ATRNL1: variants seen among roughly 807,000 people sequenced by gnomAD.
ATRNL1 encodes attractin like 1.
ATRNL1 carries 95 observed loss-of-function variants against 182.7 expected under a neutral mutation model. That is an observed-to-expected ratio of 0.52 (90% CI 0.44 to 0.62). The LOEUF is 0.62. ATRNL1 is among the 20% of genes least tolerant of loss of function. The probability of loss-of-function intolerance (pLI) is 0.00; values close to 1 mark genes in which losing one functional copy is unlikely to be tolerated. For synonymous variants in ATRNL1, 576 were observed against 568.3 expected (o/e 1.01, Z -0.19); for missense variants, 1,471 against 1,679.5 (o/e 0.88, Z 2.17).
intron 25 of ATRNL1, among the ~76,000 whole-genome samples, chr10:115,534,299 G>A (rs961357861): frequency 6.6e-6 from 1 of 151,762 alleles, no homozygotes; most frequent in African/African-American, 2.4e-5. Context: ...TGTATTGGGT[G>A]CATATATATT....
intron 26 of ATRNL1, among the ~76,000 whole-genome samples, chr10:115,697,014 C>G (rs1946586395): frequency 6.6e-6 from 1 of 152,048 alleles, no homozygotes; most frequent in South Asian, 2.1e-4. Flanking sequence ...CAATCACCTC[C>G]CACCTGGCCT....
chr10:115,801,630 A>G (rs542013239), intron 27 of ATRNL1, among the ~76,000 whole-genome samples: 2 of 152,284 alleles, frequency 1.3e-5, no homozygotes, highest in South Asian at 2.1e-4. Flanking sequence ...AAAATGATCT[A>G]CACTCACACA....
chr10:115,894,181 T>C (rs117118028), intron 28 of ATRNL1, among the ~76,000 whole-genome samples: 4 of 152,294 alleles, frequency 2.6e-5, no homozygotes, highest in Non-Finnish European at 5.9e-5. Context: ...AAGGGCATTG[T>C]TGAAGGTCCA....
At chr10:115,835,638 C>G (rs1439464966) in intron 27 of ATRNL1, among the ~76,000 whole-genome samples, 1 of 152,198 alleles carries the variant, frequency 6.6e-6, no homozygotes, top group Non-Finnish European at 1.5e-5. Flanking sequence ...CCCAGTCACT[C>G]TTAGCTAATA....
chr10:115,455,896 A>G (rs190037138), intron 21 of ATRNL1, among the ~76,000 whole-genome samples: 541 of 152,300 alleles, frequency 3.6e-3, no homozygotes, highest in Non-Finnish European at 5.9e-3. Flanking sequence ...GCTCATCATC[A>G]CTGGTGATTA....
At chr10:115,212,412 G>C (rs571849129) in intron 8 of ATRNL1, among the ~76,000 whole-genome samples, 1 of 151,560 alleles carries the variant, frequency 6.6e-6, no homozygotes, top group Non-Finnish European at 1.5e-5. Context: ...GTGTAAGTTA[G>C]TTCAACCATT....
chr10:115,111,426 G>A (rs1844251951), intron 1 of ATRNL1, among the ~76,000 whole-genome samples: 1 of 152,222 alleles, frequency 6.6e-6, no homozygotes, highest in Non-Finnish European at 1.5e-5. Context: ...TCTGCAGGAT[G>A]TACAAGAAGC....
At chr10:115,226,899 C>A (rs1849722758) in intron 9 of ATRNL1, among the ~76,000 whole-genome samples, 1 of 152,114 alleles carries the variant, frequency 6.6e-6, no homozygotes, top group African/African-American at 2.4e-5. Context: ...AGCTGGACCC[C>A]TACCTTTCAA....
At chr10:115,756,089 C>G (rs1192717979) in intron 27 of ATRNL1, among the ~76,000 whole-genome samples, 3 of 151,952 alleles carry the variant, frequency 2.0e-5, no homozygotes, top group Non-Finnish European at 4.4e-5. Context: ...AGAGGTCTAT[C>G]TATTTCGTTG....
At chr10:115,436,217 G>C (rs923626867) in intron 21 of ATRNL1, among the ~76,000 whole-genome samples, 6 of 152,090 alleles carry the variant, frequency 3.9e-5, no homozygotes, top group Admixed American at 3.3e-4. Flanking sequence ...CTAAATAGAT[G>C]ACCATTCATC....
chr10:115,191,911 T>C (rs1394435927), intron 8 of ATRNL1, among the ~76,000 whole-genome samples: 1 of 152,110 alleles, frequency 6.6e-6, no homozygotes, highest in Non-Finnish European at 1.5e-5. Flanking sequence ...TGAGAAAAGT[T>C]CTATTCAGAT....
At chr10:115,901,960 C>G (rs1952367307) in intron 28 of ATRNL1, among the ~76,000 whole-genome samples, 1 of 152,082 alleles carries the variant, frequency 6.6e-6, no homozygotes, top group African/African-American at 2.4e-5. Context: ...ATGCTACCAG[C>G]ACCTTATAGG....
At chr10:115,935,546 A>G (rs1175572923) in intron 28 of ATRNL1, among the ~76,000 whole-genome samples, 2 of 152,088 alleles carry the variant, frequency 1.3e-5, no homozygotes, top group Admixed American at 6.5e-5. Flanking sequence ...AAATGAGCGG[A>G]GTGAAGGTCA....
At chr10:115,438,327 T>TA (rs1554965103) in intron 21 of ATRNL1, among the ~76,000 whole-genome samples, 2 of 151,990 alleles carry the variant, frequency 1.3e-5, no homozygotes, top group Non-Finnish European at 2.9e-5. Flanking sequence ...ACTATCTTCT[T>TA]AAAAAATACA....
intron 27 of ATRNL1, among the ~76,000 whole-genome samples, chr10:115,759,765 T>G (rs1412606540): frequency 6.6e-6 from 1 of 150,542 alleles, no homozygotes; most frequent in Non-Finnish European, 1.5e-5. Context: ...AACCTCTGCC[T>G]CCTGGGTTCA....
intron 24 of ATRNL1, among the ~76,000 whole-genome samples, chr10:115,498,845 G>T (rs1429539423): frequency 6.6e-6 from 1 of 151,972 alleles, no homozygotes; most frequent in Non-Finnish European, 1.5e-5. Context: ...CTCTTAGACT[G>T]TTGGAAATAC....
intron 25 of ATRNL1, among the ~76,000 whole-genome samples, chr10:115,539,142 A>G (rs562306627): frequency 2.6e-5 from 4 of 152,218 alleles, no homozygotes; most frequent in African/African-American, 9.6e-5. Context: ...ACATGACTGT[A>G]TTTTTACATT....
At chr10:115,940,717 A>G (rs1246662267) in intron 28 of ATRNL1, among the ~76,000 whole-genome samples, 2 of 148,696 alleles carry the variant, frequency 1.3e-5, no homozygotes, top group African/African-American at 2.5e-5. Context: ...TCTCTCTTTT[A>G]GTGAGTCTTC....
At position 115,286,358 on chromosome 10, in the gene ATRNL1, AG is replaced by A; in HGVS notation, c.2377del (p.Glu793AsnfsTer19). 1 of 1,606,138 alleles carries A rather than the reference AG, an allele frequency of 6.2e-7. No homozygotes were observed. The highest frequency in any genetic ancestry group is 8.5e-7 in the Non-Finnish European group (1 of 1,174,622). ...LASLTTSKEV[E>X]FVLDEIQKYT... ...CTTCATTAACAACCTCAAAAGAAGT[AG>A]AATTTGTTCTGGATGAAATACAGAA... On this transcript the variant is annotated frameshift_variant, in exon 15 of 29. Transcript: ENST00000355044. LOFTEE classifies it high-confidence loss of function.
Sources: gnomAD v4.1 joint callset for allele counts (sites outside exome capture counted in the v4.1 genomes callset) on GRCh38, gnomAD v4.1.1 for gene constraint, MANE v1.5 for transcripts, NCBI Gene and HGNC (gene_info 2026-07-23, HGNC 2026-07-21) for gene names.